The following ROBO1 variants were observed in gnomAD, a reference collection of about 807,000 sequenced individuals.
ROBO1 encodes the protein roundabout homolog 1.
Under a neutral mutation model 195.9 loss-of-function variants are expected in ROBO1, and 149 were observed. The observed-to-expected ratio is 0.76, with a 90% CI of 0.67 to 0.87. The LOEUF (loss-of-function observed/expected upper bound fraction) is 0.87. ROBO1 is among the 40% of genes least tolerant of loss of function. The probability of loss-of-function intolerance (pLI) is 0.00; values close to 1 mark genes in which losing one functional copy is unlikely to be tolerated. For synonymous variants in ROBO1, 816 were observed against 733.2 expected (o/e 1.11, Z -1.82); for missense variants, 1,933 against 2,068.3 (o/e 0.93, Z 1.27).
intron 2 of ROBO1, among the ~76,000 whole-genome samples, chr3:79,505,548 A>G (rs1385591841): frequency 2.6e-5 from 4 of 152,182 alleles, no homozygotes; most frequent in Non-Finnish European, 1.5e-5. Context: ...AGAGGAGTCT[A>G]TTTTAGCATC....
At chr3:79,126,749 G>T (rs900465688) in intron 2 of ROBO1, among the ~76,000 whole-genome samples, 3 of 152,190 alleles carry the variant, frequency 2.0e-5, no homozygotes, top group African/African-American at 7.2e-5. Context: ...GGCTGAGCCA[G>T]TGAGTACATG....
At chr3:79,731,601 C>CA (rs1395219037) in intron 1 of ROBO1, among the ~76,000 whole-genome samples, 5 of 151,808 alleles carry the variant, frequency 3.3e-5, no homozygotes, top group Non-Finnish European at 7.4e-5. Flanking sequence ...AAAAACAAAA[C>CA]AAAAAACAAT....
At chr3:78,945,132 A>C (rs994964620) in intron 3 of ROBO1, among the ~76,000 whole-genome samples, 1 of 152,200 alleles carries the variant, frequency 6.6e-6, no homozygotes, top group Non-Finnish European at 1.5e-5. Flanking sequence ...TAACCTCTGC[A>C]GATTTAAATG....
chr3:79,250,679 G>GATAAAAAAT, intron 2 of ROBO1, among the ~76,000 whole-genome samples: 1 of 151,866 alleles, frequency 6.6e-6, no homozygotes, highest in Non-Finnish European at 1.5e-5. Flanking sequence ...AAAATAACCA[G>GATAAAAAAT]AATAATAAAT....
intron 3 of ROBO1, among the ~76,000 whole-genome samples, chr3:78,945,093 C>G (rs1292641882): frequency 6.6e-6 from 1 of 152,210 alleles, no homozygotes; most frequent in East Asian, 1.9e-4. Flanking sequence ...CCTCTGGGGT[C>G]AGGGCATGGA....
chr3:78,749,009 T>C (rs549298205), intron 4 of ROBO1, among the ~76,000 whole-genome samples: 1 of 152,242 alleles, frequency 6.6e-6, no homozygotes. Context: ...GAACAGAGTA[T>C]AAAGACTTTC....
At chr3:79,060,996 C>T (rs2078906847) in intron 3 of ROBO1, among the ~76,000 whole-genome samples, 2 of 152,024 alleles carry the variant, frequency 1.3e-5, no homozygotes, top group South Asian at 4.2e-4. Context: ...AAAGTTCTGG[C>T]CAGGGCAATC....
chr3:78,672,463 G>A (rs1479500957), intron 10 of ROBO1, among the ~76,000 whole-genome samples: 3 of 151,854 alleles, frequency 2.0e-5, no homozygotes, highest in Non-Finnish European at 4.4e-5. Flanking sequence ...ATGGTGGTGT[G>A]CACCTGTAGT....
chr3:79,685,532 G>C (rs936827946), intron 1 of ROBO1, among the ~76,000 whole-genome samples: 1 of 152,122 alleles, frequency 6.6e-6, no homozygotes, highest in Admixed American at 6.6e-5. Flanking sequence ...CAACGTCCTG[G>C]GATAAAGCAA....
At chr3:78,615,314 G>A (rs1342928345) in intron 27 of ROBO1, among the ~76,000 whole-genome samples, 1 of 152,060 alleles carries the variant, frequency 6.6e-6, no homozygotes, top group Non-Finnish European at 1.5e-5. Context: ...TTCTCTTCAG[G>A]TGGTCTGAAA....
chr3:79,399,654 C>T (rs190188066), intron 2 of ROBO1, among the ~76,000 whole-genome samples: 1 of 152,230 alleles, frequency 6.6e-6, no homozygotes, highest in Admixed American at 6.5e-5. Context: ...TGAAAAATGA[C>T]CACATATCTC....
chr3:79,217,705 G>C (rs1408599885), intron 2 of ROBO1, among the ~76,000 whole-genome samples: 1 of 151,950 alleles, frequency 6.6e-6, no homozygotes, highest in African/African-American at 2.4e-5. Context: ...CATTTAAAAA[G>C]AGAGTTTTGA....
intron 2 of ROBO1, among the ~76,000 whole-genome samples, chr3:79,292,807 T>C (rs958225877): frequency 2.0e-5 from 3 of 152,232 alleles, no homozygotes; most frequent in African/African-American, 4.8e-5. Flanking sequence ...TTTGCATTGA[T>C]ATTCATCCAG....
At chr3:78,685,596 T>C (rs2081033542) in intron 10 of ROBO1, 150 bp downstream of exon 10, 2 of 489,804 alleles carry the variant, frequency 4.1e-6, no homozygotes, top group Non-Finnish European at 7.1e-6. Flanking sequence ...ATAAGAATAA[T>C]TTTGAACTTA....
chr3:78,697,161 T>C (rs1335843991), intron 8 of ROBO1, among the ~76,000 whole-genome samples: 2 of 151,858 alleles, frequency 1.3e-5, no homozygotes, highest in Admixed American at 1.3e-4. Context: ...TGAAATCTTC[T>C]ATGTACTAAG....
chr3:78,758,763 A>G (rs1174615520), intron 4 of ROBO1, among the ~76,000 whole-genome samples: 1 of 141,938 alleles, frequency 7.0e-6, no homozygotes, highest in African/African-American at 2.6e-5. Flanking sequence ...CAGAAGTCAC[A>G]TCTTCAGCAA....
At chr3:79,527,310 GT>G (rs1941472280) in intron 2 of ROBO1, among the ~76,000 whole-genome samples, 2 of 152,068 alleles carry the variant, frequency 1.3e-5, no homozygotes, top group Admixed American at 6.6e-5. Flanking sequence ...TGTAAAATAT[GT>G]TGTTATATTT....
intron 1 of ROBO1, among the ~76,000 whole-genome samples, chr3:79,744,317 G>A (rs1197493089): frequency 6.6e-6 from 1 of 152,130 alleles, no homozygotes; most frequent in Non-Finnish European, 1.5e-5. Context: ...ATGTATTTAG[G>A]AGTTAGTGTC....
intron 3 of ROBO1, among the ~76,000 whole-genome samples, chr3:79,008,545 G>T (rs2077682317): frequency 6.6e-6 from 1 of 151,402 alleles, no homozygotes; most frequent in Admixed American, 6.6e-5. Context: ...TACATACAAA[G>T]TAACATATAC....
Sources: allele counts gnomAD v4.1 joint callset (sites outside exome capture counted in the v4.1 genomes callset), GRCh38; gene constraint gnomAD v4.1.1; transcripts MANE v1.5; gene names NCBI Gene and HGNC (gene_info 2026-07-23, HGNC 2026-07-21).